Variants in JAM2 observed in about 807,000 individuals in gnomAD.
JAM2 encodes the protein junctional adhesion molecule 2.
A neutral mutation model predicts 42.0 loss-of-function variants in JAM2; 17 were observed. The observed-to-expected ratio is 0.40, with a 90% CI of 0.28 to 0.61. The LOEUF (loss-of-function observed/expected upper bound fraction) is 0.61, where lower values mean the gene tolerates loss of function less well. Ranked by LOEUF, JAM2 falls within the 20% of genes least tolerant of loss-of-function variation. The pLI is 0.37. For missense variants in JAM2, 319 were observed against 358.3 expected (o/e 0.89, Z 0.89); for synonymous variants, 118 against 128.6 (o/e 0.92, Z 0.56).
chr21:25,702,079 CTT>C (rs2034177495), intron 5 of JAM2, 89 bp from the exon 6 acceptor site: 2 of 593,036 alleles, frequency 3.4e-6, no homozygotes, highest in East Asian at 2.9e-5. Context: ...GAAAGACAAA[CTT>C]AATGCTAAAA....
At chr21:25,706,962 T>G (rs2034285605) in intron 7 of JAM2, among the ~76,000 whole-genome samples, 1 of 151,896 alleles carries the variant, frequency 6.6e-6, no homozygotes, top group Non-Finnish European at 1.5e-5. Context: ...ATGGTCTCAA[T>G]CTCCTGACCT....
intron 1 of JAM2, among the ~76,000 whole-genome samples, chr21:25,651,330 G>A (rs751500553): frequency 2.0e-5 from 3 of 152,144 alleles, no homozygotes; most frequent in African/African-American, 7.2e-5. Context: ...AATTTAAATG[G>A]TTCTTCAAAT....
intron 1 of JAM2, among the ~76,000 whole-genome samples, chr21:25,653,883 A>G (rs375469725): frequency 1.3e-5 from 2 of 152,238 alleles, no homozygotes; most frequent in Admixed American, 6.5e-5. Context: ...TGGAGGCAAG[A>G]TGAGAGTCAA....
At chr21:25,644,443 T>C (rs2032543110) in intron 1 of JAM2, among the ~76,000 whole-genome samples, 2 of 152,116 alleles carry the variant, frequency 1.3e-5, no homozygotes, top group Admixed American at 1.3e-4. Context: ...CTCACGGCCC[T>C]GTCCTGCCAG....
rs750296328 is a variant in JAM2, at chr21:25,715,909, ATTC to A, written c.*1242_*1244del. 2.6e-5 allele frequency: 4 copies of A among 151,768 alleles called. No individual in the cohort carries two copies. Among genetic ancestry groups the A allele is most frequent in the Non-Finnish European group, 4.4e-5 (3 of 67,928 alleles). 9.4% of individuals were successfully genotyped at this position (151,768 alleles called of 1,614,324 possible). ...ACAAAATATGGCTAGGGCATGTCCT[ATTC>A]TTCTGGGCAAATGTGGATGAAAAGG... On this transcript the variant is annotated 3_prime_UTR_variant, in exon 10 of 10. Transcript: ENST00000480456.
intron 1 of JAM2, chr21:25,643,898 G>A (rs949947925): frequency 6.6e-6 from 1 of 152,136 alleles, no homozygotes; most frequent in Non-Finnish European, 1.5e-5. Context: ...CCTCCTGTGG[G>A]CCTTCCTCAT....
chr21:25,647,629 A>G lies in JAM2; in HGVS notation c.67+7741A>G, dbSNP rs146462293. On this transcript the variant is annotated intron_variant, in intron 1 of 9. Transcript: ENST00000480456. ...CTAGAACCACCAAAAATAATGGAAC[A>G]AAATGATTAGTAAAACAAAGGGAAA... Among the ~76,000 whole-genome samples, 326 of 152,340 alleles carry G rather than the reference A, an allele frequency of 2.1e-3. 3 individuals are homozygous for G. Among genetic ancestry groups the G allele is most frequent in the African/African-American group, 7.2e-3 (300 of 41,564 alleles).
intron 2 of JAM2, among the ~76,000 whole-genome samples, chr21:25,689,475 G>A (rs751810002): frequency 9.2e-5 from 14 of 152,154 alleles, no homozygotes; most frequent in Non-Finnish European, 2.1e-4. Context: ...CTACCAGATG[G>A]TAGACTCCTT....
chr21:25,674,303 G>C (rs1379861315), intron 1 of JAM2, among the ~76,000 whole-genome samples: 4 of 152,166 alleles, frequency 2.6e-5, no homozygotes, highest in Non-Finnish European at 5.9e-5. Context: ...GCTGGGGCAT[G>C]AGAATCACTT....
intron 2 of JAM2, among the ~76,000 whole-genome samples, chr21:25,684,653 A>G (rs987608464): frequency 6.6e-6 from 1 of 152,080 alleles, no homozygotes; most frequent in Non-Finnish European, 1.5e-5. Context: ...CCCACACTGG[A>G]GTGCAGTGTG....
chr21:25,707,781 T>A (rs967890867), intron 7 of JAM2, among the ~76,000 whole-genome samples: 1 of 152,204 alleles, frequency 6.6e-6, no homozygotes, highest in African/African-American at 2.4e-5. Flanking sequence ...TATAAATTTA[T>A]AGCATATACA....
intron 1 of JAM2, among the ~76,000 whole-genome samples, chr21:25,663,441 C>A (rs939699876): frequency 6.6e-6 from 1 of 152,130 alleles, no homozygotes; most frequent in African/African-American, 2.4e-5. Context: ...AATATTTGTT[C>A]CCTTCAAGAC....
intron 8 of JAM2, 116 bp downstream of exon 8, chr21:25,709,565 A>G (rs1255433542): frequency 1.6e-6 from 1 of 617,120 alleles, no homozygotes; most frequent in African/African-American, 1.8e-5. Flanking sequence ...TTACTCTCAC[A>G]AGAAGTTACT....
intron 1 of JAM2, among the ~76,000 whole-genome samples, chr21:25,656,089 G>A (rs2032932899): frequency 6.6e-6 from 1 of 151,512 alleles, no homozygotes; most frequent in Non-Finnish European, 1.5e-5. Context: ...AATTTCTTTT[G>A]AAAGGGACTT....
intron 4 of JAM2, among the ~76,000 whole-genome samples, chr21:25,697,951 A>T (rs186917287): frequency 0.018 from 2,396 of 134,088 alleles, 35 homozygotes; most frequent in South Asian, 0.048. Context: ...ACACACACAC[A>T]CTCTCTCTCT....
rs1445003571 is a variant in JAM2 at position 25,715,594 on chromosome 21, G to C, written c.*922G>C. On this transcript the variant is annotated 3_prime_UTR_variant, in exon 10 of 10. Coordinates refer to ENST00000480456, the MANE Select transcript of JAM2 (RefSeq NM_021219.4). ...GTCAGGGGTTGACAATTCTGCTTTTGGACAAGGAGGGATGTGGAGGGAAGA... is the reference window on the plus strand; with the variant it reads ...GTCAGGGGTTGACAATTCTGCTTTTCGACAAGGAGGGATGTGGAGGGAAGA... The C allele has an allele frequency of 1.3e-5, 2 of 152,160 alleles. No individual in the cohort carries two copies. Among genetic ancestry groups the C allele is most frequent in the South Asian group, 2.1e-4 (1 of 4,824 alleles). 9.4% of individuals were successfully genotyped at this position (152,160 alleles called of 1,614,324 possible).
rs1347769385 is a variant in JAM2 at position 25,648,142 on chromosome 21, C to T, written c.67+8254C>T. Among the ~76,000 whole-genome samples, 6 of 151,892 alleles carry T rather than the reference C, an allele frequency of 4.0e-5. 1 individual carries two copies. In the South Asian group the frequency reaches 1.0e-3, roughly 26 times the overall value. ...ATGAGAATCACTTGAACGTGGGAGGCGGAGGTTGCAATGAGCTGAGATTGT... is the reference window on the plus strand; with the variant it reads ...ATGAGAATCACTTGAACGTGGGAGGTGGAGGTTGCAATGAGCTGAGATTGT... On this transcript the variant is annotated intron_variant, in intron 1 of 9. Transcript: ENST00000480456.
chr21:25,700,276 C>G (rs1231168794), intron 5 of JAM2, among the ~76,000 whole-genome samples: 2 of 151,722 alleles, frequency 1.3e-5, no homozygotes, highest in African/African-American at 4.9e-5. Context: ...TTAAAATTGT[C>G]TGCCTTCCAG....
chr21:25,654,728 A>G (rs927650741), intron 1 of JAM2, among the ~76,000 whole-genome samples: 3 of 152,176 alleles, frequency 2.0e-5, no homozygotes, highest in African/African-American at 7.2e-5. Flanking sequence ...AAAAAAGAAA[A>G]TGACCTTCAC....
Sources: allele counts gnomAD v4.1 joint callset (sites outside exome capture counted in the v4.1 genomes callset), GRCh38; gene constraint gnomAD v4.1.1; transcripts MANE v1.5; gene names NCBI Gene and HGNC (gene_info 2026-07-23, HGNC 2026-07-21).